Variants in NUMA1 observed in about 807,000 individuals in gnomAD.
The protein encoded by NUMA1 is nuclear mitotic apparatus protein 1.
Under a neutral mutation model 237.1 loss-of-function variants are expected in NUMA1, and 62 were observed. The ratio of observed to expected loss-of-function variants is 0.26; its 90% CI spans 0.21 to 0.32. The LOEUF (loss-of-function observed/expected upper bound fraction) is 0.32, where lower values mean the gene tolerates loss of function less well. Ranked by LOEUF, NUMA1 falls within the 10% of genes least tolerant of loss-of-function variation. The pLI, the probability that NUMA1 is intolerant of heterozygous loss-of-function variation, is 1.00. For synonymous variants in NUMA1, 1,028 were observed against 1,066.1 expected, an observed-to-expected ratio of 0.96 and a Z score of 0.70; for missense variants, 2,533 against 2,666.5, an observed-to-expected ratio of 0.95 and a Z score of 1.10.
chr11:72,011,761 T>C (rs1355097327), intron 16 of NUMA1, among the ~76,000 whole-genome samples: 1 of 151,930 alleles, frequency 6.6e-6, no homozygotes, highest in Non-Finnish European at 1.5e-5. Context: ...ATGATTCCCA[T>C]GAGAAAGAGG....
chr11:72,052,488 C>T (rs1942421652), intron 2 of NUMA1, among the ~76,000 whole-genome samples: 1 of 152,146 alleles, frequency 6.6e-6, no homozygotes, highest in South Asian at 2.1e-4. Context: ...ATAAGTAAGG[C>T]CAGGGGCGGT....
intron 1 of NUMA1, among the ~76,000 whole-genome samples, chr11:72,079,233 C>T (rs1319012551): frequency 6.6e-6 from 1 of 152,158 alleles, no homozygotes. Context: ...CAGACAAACA[C>T]GCAGACTTTT....
At chr11:72,018,646 T>A in intron 10 of NUMA1, 133 bp from the exon 11 acceptor site, 1 of 1,057,562 alleles carries the variant, frequency 9.5e-7, no homozygotes, top group Non-Finnish European at 1.4e-6. Flanking sequence ...GTATCCAATC[T>A]AAGGGAAAGA....
chr11:72,012,530 C>CT (rs1411610360), intron 15 of NUMA1, 88 bp from the exon 16 acceptor site: 5 of 1,256,174 alleles, frequency 4.0e-6, no homozygotes, highest in Non-Finnish European at 5.7e-6. Flanking sequence ...CACTGAGGCT[C>CT]TGATACTTTC....
intron 2 of NUMA1, among the ~76,000 whole-genome samples, chr11:72,046,694 C>G (rs1276743705): frequency 6.6e-6 from 1 of 152,074 alleles, no homozygotes. Flanking sequence ...GGCACAGTGG[C>G]TCATGCCTTA....
At chr11:72,041,273 G>C (rs1038621362) in intron 2 of NUMA1, 1 of 152,304 alleles carries the variant, frequency 6.6e-6, no homozygotes, top group African/African-American at 2.4e-5. Flanking sequence ...CTGCAAAGGG[G>C]AAGGCTGGAG....
intron 16 of NUMA1, among the ~76,000 whole-genome samples, chr11:72,012,094 A>C (rs1956197831): frequency 6.6e-6 from 1 of 152,210 alleles, no homozygotes; most frequent in African/African-American, 2.4e-5. Context: ...TCGAATCCCA[A>C]GGATTGTGTC....
intron 2 of NUMA1, among the ~76,000 whole-genome samples, chr11:72,040,453 C>T (rs1242103060): frequency 0.32 from 486 of 1,498 alleles, 24 homozygotes; most frequent in African/African-American, 0.34. Context: ...CATACACACA[C>T]ACACACACAC....
intron 2 of NUMA1, among the ~76,000 whole-genome samples, chr11:72,051,549 C>T (rs994910147): frequency 1.3e-5 from 2 of 150,760 alleles, no homozygotes; most frequent in Admixed American, 1.3e-4. Context: ...CAGCTCACTG[C>T]AACCTCCACC....
chr11:72,003,456 G>T lies in NUMA1; in HGVS notation c.*71C>A. On this transcript the variant is annotated 3_prime_UTR_variant, in exon 27 of 27. Coordinates refer to ENST00000393695, the MANE Select transcript of NUMA1 (RefSeq NM_006185.4). The stretch of plus-strand genomic sequence containing the variant: ...GGAGCTGAGAGAAGGCACTGAGAGG[G>T]ACAGTAGGCGGAGGACCAGGTGAGG... 2.0e-6 allele frequency: 3 copies of T among 1,464,928 alleles called. No individual in the cohort carries two copies. The highest frequency in any genetic ancestry group is 2.9e-6 in the Non-Finnish European group (3 of 1,043,206). The allele number at this position is 1,464,928 out of a possible 1,614,324, so 90.7% of individuals were successfully genotyped here.
At position 72,016,549 on chromosome 11, in the gene NUMA1, C is replaced by CT; in HGVS notation, c.1120-20_1120-19insA. On this transcript the variant is annotated intron_variant, in intron 13 of 26. Coordinates refer to ENST00000393695, the MANE Select transcript of NUMA1 (RefSeq NM_006185.4). Reference sequence around the variant, plus strand: ...GGCATTTCTGGGAGTAAATGAGACCCATGTGAACAGAGAGGGGGAACAGGC... The same window carrying CT: ...GGCATTTCTGGGAGTAAATGAGACCCTATGTGAACAGAGAGGGGGAACAGGC... The CT allele has an allele frequency of 6.2e-7, 1 of 1,611,750 alleles. No individual in the cohort carries two copies. Among genetic ancestry groups the CT allele is most frequent in the Non-Finnish European group, 8.5e-7 (1 of 1,178,576 alleles).
chr11:72,032,862 A>G (rs901620814), intron 3 of NUMA1, among the ~76,000 whole-genome samples: 2 of 152,340 alleles, frequency 1.3e-5, no homozygotes, highest in Admixed American at 1.3e-4. Context: ...ATAAACCACT[A>G]ATTTATTTTT....
intron 2 of NUMA1, among the ~76,000 whole-genome samples, chr11:72,052,621 C>T (rs1399961309): frequency 6.6e-6 from 1 of 152,040 alleles, no homozygotes; most frequent in Non-Finnish European, 1.5e-5. Flanking sequence ...CAAAAATTAG[C>T]TGGGTGTGGT....
In NUMA1 at chr11:72,023,040, C is replaced by T. The variant is rs1437569071; in HGVS notation, c.291+25G>A. 6 of 1,585,816 alleles carry T rather than the reference C, an allele frequency of 3.8e-6. No individual in the cohort carries two copies. The African/African-American group carries it at 8.1e-5, about 21-fold the overall frequency. ...CCATCACCCCAACCCTGCCCTGCCTCCCCAGTCTGGTATTCCATAGGTACC... is the reference window on the plus strand; with the variant it reads ...CCATCACCCCAACCCTGCCCTGCCTTCCCAGTCTGGTATTCCATAGGTACC... On this transcript the variant is annotated intron_variant, in intron 6 of 26. Coordinates refer to ENST00000393695, the MANE Select transcript of NUMA1 (RefSeq NM_006185.4).
chr11:72,031,860 T>TG (rs1940368557), intron 3 of NUMA1, among the ~76,000 whole-genome samples: 2 of 151,256 alleles, frequency 1.3e-5, no homozygotes, highest in Admixed American at 1.3e-4. Context: ...CTAGGTGTGG[T>TG]GGCTCATGCC....
intron 2 of NUMA1, among the ~76,000 whole-genome samples, chr11:72,043,403 C>T (rs1941813838): frequency 1.3e-5 from 2 of 149,646 alleles, no homozygotes; most frequent in African/African-American, 4.9e-5. Context: ...CACTCTGTCA[C>T]CCAGGCTGGA....
intron 2 of NUMA1, among the ~76,000 whole-genome samples, chr11:72,054,358 C>T (rs1010405878): frequency 7.3e-5 from 11 of 151,588 alleles, no homozygotes; most frequent in African/African-American, 2.4e-4. Context: ...ATCCCAGCTA[C>T]GAGGGAGGCT....
rs535868682 is a variant in NUMA1, at chr11:72,004,547, G to A, written c.6006+93C>T. On this transcript the variant is annotated intron_variant, in intron 24 of 26. Transcript: ENST00000393695. Reference sequence around the variant, plus strand: ...GAGAGGGAAAGAGAGGGGGAAGTGAGGGAAGGAGAGAGAAGGCTCCCTTTA... The same window carrying A: ...GAGAGGGAAAGAGAGGGGGAAGTGAAGGAAGGAGAGAGAAGGCTCCCTTTA... 1.7e-4 allele frequency: 236 copies of A among 1,359,436 alleles called. 2 individuals carry two copies. The South Asian group carries it at 2.9e-3, about 17-fold the overall frequency. The allele number at this position is 1,359,436 out of a possible 1,614,324, so 84.2% of individuals were successfully genotyped here.
At chr11:72,052,940 T>C (rs1055105462) in intron 2 of NUMA1, among the ~76,000 whole-genome samples, 6 of 152,142 alleles carry the variant, frequency 3.9e-5, no homozygotes, top group Non-Finnish European at 7.4e-5. Context: ...CAGACTGGAA[T>C]GGTAAGACAC....
Sources: gnomAD v4.1 joint callset for allele counts (sites outside exome capture counted in the v4.1 genomes callset) on GRCh38, gnomAD v4.1.1 for gene constraint, MANE v1.5 for transcripts, NCBI Gene and HGNC (gene_info 2026-07-23, HGNC 2026-07-21) for gene names.